Variants in PIAS1 observed in about 807,000 individuals in gnomAD.
PIAS1 encodes the protein E3 SUMO-protein ligase PIAS1.
In PIAS1, 6 loss-of-function variants were observed where a neutral mutation model predicts 71.3. The observed-to-expected ratio is 0.08, with a 90% CI of 0.05 to 0.17. The LOEUF is 0.17. PIAS1 is among the 10% of genes least tolerant of loss of function. The probability of loss-of-function intolerance (pLI) is 1.00; values close to 1 mark genes in which losing one functional copy is unlikely to be tolerated. For synonymous variants in PIAS1, 303 were observed against 292.9 expected (o/e 1.03, Z -0.35); for missense variants, 555 against 793.6 (o/e 0.70, Z 3.61).
intron 2 of PIAS1, among the ~76,000 whole-genome samples, chr15:68,095,239 A>G (rs900708500): frequency 6.6e-6 from 1 of 152,190 alleles, no homozygotes; most frequent in Non-Finnish European, 1.5e-5. Context: ...TCAGACATCT[A>G]GTATAATACT....
At chr15:68,166,390 G>A (rs1308876646) in intron 8 of PIAS1, among the ~76,000 whole-genome samples, 1 of 150,896 alleles carries the variant, frequency 6.6e-6, no homozygotes, top group African/African-American at 2.4e-5. Flanking sequence ...ATGATTCACA[G>A]ACTGGGGAAG....
At chr15:68,109,090 ACT>A (rs1567045408) in intron 2 of PIAS1, among the ~76,000 whole-genome samples, 1 of 151,914 alleles carries the variant, frequency 6.6e-6, no homozygotes, top group African/African-American at 2.4e-5. Flanking sequence ...TGTTACCTTG[ACT>A]CTAACAACAC....
In PIAS1 at chr15:68,193,035, C is replaced by T. The variant is rs923601184; in HGVS notation, c.*5200C>T. 1.3e-5 allele frequency: 2 copies of T among 152,294 alleles called. No individual in the cohort carries two copies. The highest frequency in any genetic ancestry group is 6.5e-5 in the Admixed American group (1 of 15,290). The allele number at this position is 152,294 out of a possible 1,614,324, so 9.4% of individuals were successfully genotyped here. A position where few individuals can be genotyped will look rare whatever the true frequency, so the allele number is the denominator to read the frequency against. On this transcript the variant is annotated 3_prime_UTR_variant, in exon 14 of 14. Coordinates refer to ENST00000249636, the MANE Select transcript of PIAS1 (RefSeq NM_016166.3). ...GGATGGACTCCCAGAAAGCCTAGTG[C>T]TCCTACTACTGTTTTCCAGGGCTGT... is the stretch of plus-strand genomic sequence containing the variant.
intron 6 of PIAS1, among the ~76,000 whole-genome samples, chr15:68,150,389 A>G (rs2092836620): frequency 6.6e-6 from 1 of 152,202 alleles, no homozygotes; most frequent in South Asian, 2.1e-4. Context: ...CTGGGGAAGT[A>G]AAACACTAAA....
intron 1 of PIAS1, among the ~76,000 whole-genome samples, chr15:68,060,201 T>A (rs1198019072): frequency 1.3e-5 from 2 of 152,170 alleles, no homozygotes; most frequent in Non-Finnish European, 2.9e-5. Flanking sequence ...GGAAATTATA[T>A]CACAGTGACC....
In PIAS1 at chr15:68,185,244, A is replaced by G. The variant is rs1214963897; in HGVS notation, c.1662+1577A>G. ...ATTGCTGCAACTGAAAAACACCGAG[A>G]GGACACTGATGCAATTCTGGAAGGT... is the stretch of plus-strand genomic sequence containing the variant. On this transcript the variant is annotated intron_variant, in intron 13 of 13. Coordinates refer to ENST00000249636, the MANE Select transcript of PIAS1 (RefSeq NM_016166.3). The surrounding 1 kb of genome is among the most constrained non-coding windows in gnomAD (Gnocchi z 4.4). Among the ~76,000 whole-genome samples, 1 of 152,146 alleles carries G rather than the reference A, an allele frequency of 6.6e-6. No individual in the cohort carries two copies. The highest frequency in any genetic ancestry group is 1.5e-5 in the Non-Finnish European group (1 of 68,002).
intron 2 of PIAS1, among the ~76,000 whole-genome samples, chr15:68,123,688 C>T (rs2092629002): frequency 6.6e-6 from 1 of 152,078 alleles, no homozygotes. Flanking sequence ...TTTAAAATTA[C>T]TCAGAGCCAC....
intron 3 of PIAS1, 70 bp from the exon 4 acceptor site, chr15:68,142,220 C>T: frequency 2.3e-6 from 3 of 1,314,982 alleles, no homozygotes; most frequent in Non-Finnish European, 2.2e-6. Flanking sequence ...TCTGGAGTAA[C>T]AAGGTCTTTG....
chr15:68,160,137 T>G (rs1480446417), intron 7 of PIAS1, among the ~76,000 whole-genome samples: 1 of 152,158 alleles, frequency 6.6e-6, no homozygotes, highest in Non-Finnish European at 1.5e-5. Flanking sequence ...GCCAAATTTT[T>G]TGCCCATTTT....
chr15:68,108,112 C>A (rs1056295331), intron 2 of PIAS1, among the ~76,000 whole-genome samples: 3 of 152,170 alleles, frequency 2.0e-5, no homozygotes, highest in Non-Finnish European at 4.4e-5. Flanking sequence ...TCTTGACTCT[C>A]CATTTCTCTT....
At chr15:68,158,234 G>C (rs1308337741) in intron 7 of PIAS1, among the ~76,000 whole-genome samples, 2 of 151,584 alleles carry the variant, frequency 1.3e-5, no homozygotes, top group Non-Finnish European at 2.9e-5. Context: ...AACTTTCCAT[G>C]ACGTGGCACC....
At chr15:68,059,128 C>T (rs1157064568) in intron 1 of PIAS1, among the ~76,000 whole-genome samples, 1 of 150,936 alleles carries the variant, frequency 6.6e-6, no homozygotes, top group Non-Finnish European at 1.5e-5. Flanking sequence ...CCTCAGCCTT[C>T]GGTGTAGCTG....
At chr15:68,094,247 T>C (rs945217222) in intron 2 of PIAS1, among the ~76,000 whole-genome samples, 1 of 151,782 alleles carries the variant, frequency 6.6e-6, no homozygotes, top group African/African-American at 2.4e-5. Flanking sequence ...GTGCTGGGCG[T>C]ATAGTCTTAG....
At chr15:68,066,620 T>C (rs1399738359) in intron 1 of PIAS1, among the ~76,000 whole-genome samples, 9 of 152,162 alleles carry the variant, frequency 5.9e-5, no homozygotes, top group Admixed American at 5.2e-4. Context: ...TCTGAATGCT[T>C]TTCAGTTTCT....
chr15:68,077,837 T>A (rs2092185603), intron 1 of PIAS1, among the ~76,000 whole-genome samples: 1 of 152,242 alleles, frequency 6.6e-6, no homozygotes, highest in African/African-American at 2.4e-5. Flanking sequence ...TACTCGGAAA[T>A]AGTTCAGTAC....
rs530210218 is a variant in PIAS1 at position 68,054,411 on chromosome 15, A to AG, written c.24+67dup. ...CCGCGGAGACGGCGCCGCTGCTGCC[A>AG]GGGGGGATGGGTCCGACCCTGGGGG... On this transcript the variant is annotated intron_variant, in intron 1 of 13. Coordinates refer to ENST00000249636, the MANE Select transcript of PIAS1 (RefSeq NM_016166.3). This position sits in a 1 kb window ranked among gnomAD's most constrained non-coding sequence, Gnocchi z 4.6. 4,543 of 1,530,364 alleles carry AG rather than the reference A, an allele frequency of 3.0e-3. 7 individuals are homozygous for AG. The highest frequency in any genetic ancestry group is 3.7e-3 in the Non-Finnish European group (4,176 of 1,129,422). The allele number at this position is 1,530,364 out of a possible 1,614,324, so 94.8% of individuals were successfully genotyped here.
chr15:68,108,730 T>C (rs2092495250), intron 2 of PIAS1, among the ~76,000 whole-genome samples: 1 of 152,154 alleles, frequency 6.6e-6, no homozygotes, highest in Admixed American at 6.5e-5. Flanking sequence ...TTCATCCTTT[T>C]TGTTGCTCAA....
chr15:68,061,023 T>A (rs1042174538), intron 1 of PIAS1, among the ~76,000 whole-genome samples: 1 of 152,248 alleles, frequency 6.6e-6, no homozygotes, highest in Non-Finnish European at 1.5e-5. Flanking sequence ...AATGAAAGCA[T>A]TTTTATTTTT....
chr15:68,165,708 C>T (rs1165800172), intron 8 of PIAS1, among the ~76,000 whole-genome samples: 1 of 152,160 alleles, frequency 6.6e-6, no homozygotes, highest in Non-Finnish European at 1.5e-5. Context: ...AAATGTTATA[C>T]TAATCTGATG....
Sources: gnomAD v4.1 joint callset for allele counts (sites outside exome capture counted in the v4.1 genomes callset) on GRCh38, gnomAD v4.1.1 for gene constraint, Gnocchi (gnomAD v3.1) non-coding constraint, MANE v1.5 for transcripts, NCBI Gene and HGNC (gene_info 2026-07-23, HGNC 2026-07-21) for gene names.